TMEM45B: variants seen among roughly 807,000 people sequenced by gnomAD.
The protein encoded by TMEM45B is transmembrane protein 45B.
TMEM45B carries 29 observed loss-of-function variants against 27.3 expected under a neutral mutation model. The ratio of observed to expected loss-of-function variants is 1.06; its 90% CI spans 0.79 to 1.45. The LOEUF (loss-of-function observed/expected upper bound fraction) is 1.45. Among genes scored for constraint, TMEM45B ranks in the 40% most tolerant of loss-of-function variants. The pLI is 0.00. For missense variants in TMEM45B, 348 were observed against 343.9 expected (o/e 1.01, Z -0.09); for synonymous variants, 143 against 134.7 (o/e 1.06, Z -0.43).
intron 1 of TMEM45B, among the ~76,000 whole-genome samples, chr11:129,820,056 G>A (rs1182723228): frequency 6.6e-6 from 1 of 152,004 alleles, no homozygotes; most frequent in Non-Finnish European, 1.5e-5. Flanking sequence ...GCTCACGCCT[G>A]TAATTCCAGC....
intron 1 of TMEM45B, among the ~76,000 whole-genome samples, chr11:129,848,814 T>C (rs1238229186): frequency 6.6e-6 from 1 of 152,202 alleles, no homozygotes; most frequent in African/African-American, 2.4e-5. Flanking sequence ...AAGGCACTGG[T>C]ATGTGGTGTC....
At chr11:129,827,441 C>T (rs1324686576) in intron 1 of TMEM45B, among the ~76,000 whole-genome samples, 1 of 152,228 alleles carries the variant, frequency 6.6e-6, no homozygotes, top group Admixed American at 6.5e-5. Context: ...TACCGTACCA[C>T]ACACTGTAAG....
At chr11:129,858,467 T>C (rs1947961223) in intron 5 of TMEM45B, 107 bp from the exon 6 acceptor site, 1 of 702,484 alleles carries the variant, frequency 1.4e-6, no homozygotes, top group Non-Finnish European at 2.4e-6. Flanking sequence ...CAGTATTTGA[T>C]AGAAATATAA....
intron 2 of TMEM45B, among the ~76,000 whole-genome samples, chr11:129,853,128 T>C (rs1441367681): frequency 6.6e-6 from 1 of 152,186 alleles, no homozygotes; most frequent in Non-Finnish European, 1.5e-5. Context: ...AGAGTTTATG[T>C]AGATTCGTAA....
At chr11:129,856,108 A>T (rs116548615) in intron 4 of TMEM45B, among the ~76,000 whole-genome samples, 2 of 152,170 alleles carry the variant, frequency 1.3e-5, no homozygotes, top group Non-Finnish European at 2.9e-5. Flanking sequence ...TCCAAAATTT[A>T]AAGCATGCAC....
At chr11:129,847,292 G>C (rs1043734383) in intron 1 of TMEM45B, among the ~76,000 whole-genome samples, 1 of 152,218 alleles carries the variant, frequency 6.6e-6, no homozygotes. Context: ...GTTGAAAGTG[G>C]CTTTGCTGGG....
In TMEM45B at chr11:129,856,371, C is replaced by G. The variant is rs186171393; in HGVS notation, c.570+479C>G. Reference sequence around the variant, plus strand: ...AGGTTACAGGTGCCCGCCACCACACCTGGCTAATTTTTTTGTATTTTTAGA... The same window carrying G: ...AGGTTACAGGTGCCCGCCACCACACGTGGCTAATTTTTTTGTATTTTTAGA... On this transcript the variant is annotated intron_variant, in intron 4 of 5. Coordinates refer to ENST00000281441, the MANE Select transcript of TMEM45B (RefSeq NM_138788.5). Among the ~76,000 whole-genome samples, 220 of 151,968 alleles carry G rather than the reference C, an allele frequency of 1.4e-3. 3 individuals are homozygous for G. Among genetic ancestry groups the G allele is most frequent in the Admixed American group, 0.013 (192 of 15,252 alleles).
At chr11:129,837,584 G>GTTTTTTTTTTTTTT (rs1387294363) in intron 1 of TMEM45B, among the ~76,000 whole-genome samples, 30 of 34,958 alleles carry the variant, frequency 8.6e-4, no homozygotes, top group South Asian at 3.4e-3. Context: ...ACTGCACTGG[G>GTTTTTTTTTTTTTT]CTTTTTTTTT....
intron 1 of TMEM45B, among the ~76,000 whole-genome samples, chr11:129,822,426 G>A (rs1226829318): frequency 1.3e-5 from 2 of 152,146 alleles, no homozygotes. Context: ...CTTGTAGGTT[G>A]GCTGGCTTCA....
At chr11:129,844,591 G>A (rs993010986) in intron 1 of TMEM45B, among the ~76,000 whole-genome samples, 5 of 152,170 alleles carry the variant, frequency 3.3e-5, no homozygotes, top group Admixed American at 6.5e-5. Context: ...TGAGGCTGAG[G>A]CGGAGGATCA....
chr11:129,837,780 T>TC (rs1459902410), intron 1 of TMEM45B, among the ~76,000 whole-genome samples: 1 of 108,702 alleles, frequency 9.2e-6, no homozygotes, highest in Non-Finnish European at 2.0e-5. Flanking sequence ...CTAGTTTCTT[T>TC]TTTTTTTTTT....
intron 1 of TMEM45B, among the ~76,000 whole-genome samples, chr11:129,849,739 G>C (rs1321241466): frequency 6.6e-6 from 1 of 152,174 alleles, no homozygotes; most frequent in Non-Finnish European, 1.5e-5. Flanking sequence ...GGAATGCTCT[G>C]CTGGAAATGT....
intron 1 of TMEM45B, among the ~76,000 whole-genome samples, chr11:129,847,962 G>A (rs1591447778): frequency 6.6e-6 from 1 of 152,094 alleles, no homozygotes; most frequent in Non-Finnish European, 1.5e-5. Flanking sequence ...CAGTAGGGGC[G>A]GCCGGGCAGA....
At chr11:129,829,251 C>T (rs1398247358) in intron 1 of TMEM45B, among the ~76,000 whole-genome samples, 2 of 152,094 alleles carry the variant, frequency 1.3e-5, no homozygotes, top group Non-Finnish European at 2.9e-5. Flanking sequence ...AATTCAGTTT[C>T]CTTTAGGAAG....
At chr11:129,844,650 G>A (rs1591445486) in intron 1 of TMEM45B, among the ~76,000 whole-genome samples, 1 of 152,136 alleles carries the variant, frequency 6.6e-6, no homozygotes, top group East Asian at 1.9e-4. Flanking sequence ...TTATGCCACT[G>A]CACTCCACCC....
At chr11:129,851,404 C>T (rs1947843754) in intron 1 of TMEM45B, among the ~76,000 whole-genome samples, 1 of 150,222 alleles carries the variant, frequency 6.7e-6, no homozygotes, top group Non-Finnish European at 1.5e-5. Flanking sequence ...ATTAGCCAGG[C>T]GTGGTGGCGG....
In TMEM45B at chr11:129,857,379, A is replaced by G; in HGVS notation, c.637A>G (p.Met213Val). The G allele has an allele frequency of 6.2e-7, 1 of 1,614,072 alleles. No individual in the cohort carries two copies. Among genetic ancestry groups the G allele is most frequent in the South Asian group, 1.1e-5 (1 of 91,082 alleles). The change falls in exon 5 of 6, where the codon ATG becomes GTG. Residue 213 changes from methionine (M) to valine (V), a missense_variant. Met to Val is a conservative substitution (Grantham distance 21). Coordinates refer to ENST00000281441, the MANE Select transcript of TMEM45B (RefSeq NM_138788.5). Reference sequence around the variant, plus strand: ...GGACCAGAAGGATGATGCCAACCTCATGTTCATCACCATGTGCTTCTGCTG... The same window carrying G: ...GGACCAGAAGGATGATGCCAACCTCGTGTTCATCACCATGTGCTTCTGCTG... ...EWDQKDDANLMFITMCFCWHY... is the reference protein window; with the variant it reads ...EWDQKDDANLVFITMCFCWHY...
At chr11:129,835,990 T>C (rs762292507) in intron 1 of TMEM45B, among the ~76,000 whole-genome samples, 3 of 152,072 alleles carry the variant, frequency 2.0e-5, no homozygotes, top group Non-Finnish European at 4.4e-5. Flanking sequence ...TGGTGGCTCA[T>C]GCCTGTAATC....
intron 1 of TMEM45B, among the ~76,000 whole-genome samples, chr11:129,849,243 AG>A (rs1429645616): frequency 6.6e-6 from 1 of 152,214 alleles, no homozygotes; most frequent in Non-Finnish European, 1.5e-5. Flanking sequence ...AATTCAAATG[AG>A]TTGCGTACTT....
Sources: gnomAD v4.1 joint callset for allele counts (sites outside exome capture counted in the v4.1 genomes callset) on GRCh38, gnomAD v4.1.1 for gene constraint, MANE v1.5 for transcripts, NCBI Gene and HGNC (gene_info 2026-07-23, HGNC 2026-07-21) for gene names.